The following PRKG1 variants were observed in gnomAD, a reference collection of about 807,000 sequenced individuals.
PRKG1 encodes the protein protein kinase cGMP-dependent 1.
Under a neutral mutation model 88.1 loss-of-function variants are expected in PRKG1, and 35 were observed. The observed-to-expected ratio is 0.40, with a 90% confidence interval of 0.30 to 0.53. The LOEUF (loss-of-function observed/expected upper bound fraction) is 0.53. PRKG1 is among the 20% of genes least tolerant of loss of function. The pLI is 0.59. For synonymous variants in PRKG1, 303 were observed against 292.5 expected (o/e 1.04, Z -0.37); for missense variants, 540 against 839.8 (o/e 0.64, Z 4.41).
At chr10:52,236,027 C>T (rs1339043300) in intron 9 of PRKG1, among the ~76,000 whole-genome samples, 1 of 124,914 alleles carries the variant, frequency 8.0e-6, no homozygotes, top group Non-Finnish European at 1.6e-5. Context: ...CAAAGCCGCT[C>T]AACTATATGG....
chr10:51,105,537 A>T (rs887664511), intron 1 of PRKG1, among the ~76,000 whole-genome samples: 1 of 152,184 alleles, frequency 6.6e-6, no homozygotes, highest in Non-Finnish European at 1.5e-5. Context: ...AAAATCTACA[A>T]TATTGAGTAG....
chr10:51,046,679 G>A (rs532361121), intron 1 of PRKG1, among the ~76,000 whole-genome samples: 1 of 152,306 alleles, frequency 6.6e-6, no homozygotes, highest in African/African-American at 2.4e-5. Flanking sequence ...AAATGAAAAA[G>A]TTTTCTGTAT....
intron 2 of PRKG1, among the ~76,000 whole-genome samples, chr10:51,330,633 A>G (rs1841715859): frequency 6.6e-6 from 1 of 151,588 alleles, no homozygotes; most frequent in Admixed American, 6.6e-5. Context: ...CCTCTATTGC[A>G]TTTTTTCATT....
chr10:52,063,518 A>G (rs984530553), intron 7 of PRKG1, among the ~76,000 whole-genome samples: 3 of 152,218 alleles, frequency 2.0e-5, no homozygotes, highest in African/African-American at 7.2e-5. Flanking sequence ...AGCAAGGGGC[A>G]TGTTTCAGCC....
At chr10:52,264,220 A>G (rs947664094) in intron 10 of PRKG1, among the ~76,000 whole-genome samples, 1 of 152,080 alleles carries the variant, frequency 6.6e-6, no homozygotes, top group Non-Finnish European at 1.5e-5. Context: ...GGTGGAACAT[A>G]GTGCTTATGC....
intron 9 of PRKG1, among the ~76,000 whole-genome samples, chr10:52,246,567 T>C (rs920586033): frequency 5.9e-5 from 9 of 152,064 alleles, no homozygotes; most frequent in Non-Finnish European, 8.8e-5. Flanking sequence ...AAAAGTTCAA[T>C]ATTTCATTAT....
intron 5 of PRKG1, among the ~76,000 whole-genome samples, chr10:51,979,382 CT>C (rs1843934441): frequency 1.0e-5 from 1 of 100,306 alleles, no homozygotes; most frequent in African/African-American, 3.7e-5. Flanking sequence ...AGGATTTTTG[CT>C]TCAATATTCA....
In PRKG1 at chr10:50,991,321, C is replaced by T. The variant is rs975871009; in HGVS notation, c.-58C>T. The T allele has an allele frequency of 7.2e-7, 1 of 1,395,554 alleles. No individual in the cohort carries two copies. Among genetic ancestry groups the T allele is most frequent in the South Asian group, 1.4e-5 (1 of 69,988 alleles). 86.4% of individuals were successfully genotyped at this position (1,395,554 alleles called of 1,614,324 possible). ...CCGGCTGCCGTCCCAGCCGCCGCCG[C>T]CGCCGCCGCCGCCGCCGCCGCCCGA... On this transcript the variant is annotated 5_prime_UTR_variant, in exon 1 of 18. Coordinates refer to the PRKG1 transcript ENST00000401604. This position sits in a 1 kb window ranked among gnomAD's most constrained non-coding sequence, Gnocchi z 4.5.
chr10:51,695,914 G>A (rs1232371041), intron 3 of PRKG1: 1 of 152,056 alleles, frequency 6.6e-6, no homozygotes, highest in Non-Finnish European at 1.5e-5. Flanking sequence ...TCCATAGTAA[G>A]ATCACCTGAT....
chr10:51,114,068 C>T (rs544291035), intron 1 of PRKG1, among the ~76,000 whole-genome samples: 2 of 151,906 alleles, frequency 1.3e-5, no homozygotes, highest in Admixed American at 1.3e-4. Flanking sequence ...CAGAAACAAA[C>T]TAGCATTTAA....
At chr10:51,479,649 A>G (rs936176930) in intron 3 of PRKG1, among the ~76,000 whole-genome samples, 3 of 151,996 alleles carry the variant, frequency 2.0e-5, no homozygotes, top group Non-Finnish European at 2.9e-5. Context: ...TCATTGGTCC[A>G]TGCAACTTAA....
chr10:52,139,046 C>T lies in PRKG1; in HGVS notation c.1001+5141C>T, dbSNP rs115620957. Among the ~76,000 whole-genome samples, 399 of 152,074 alleles carry T rather than the reference C, an allele frequency of 2.6e-3. 4 individuals carry two copies. Among genetic ancestry groups the T allele is most frequent in the African/African-American group, 9.0e-3 (375 of 41,508 alleles). On this transcript the variant is annotated intron_variant, in intron 8 of 17. Coordinates refer to ENST00000373980, the MANE Select transcript of PRKG1 (RefSeq NM_006258.4). ...GCAAACTAAAGACTATTCCTTGACA[C>T]CCAGACTGGAGCCTAAGTATTAAAA... is the stretch of plus-strand genomic sequence containing the variant.
At chr10:52,166,798 CAT>C (rs1411580550) in intron 9 of PRKG1, among the ~76,000 whole-genome samples, 2 of 96,772 alleles carry the variant, frequency 2.1e-5, no homozygotes, top group African/African-American at 1.1e-4. Flanking sequence ...TATATATATA[CAT>C]ATATATATGT....
chr10:51,058,227 G>T (rs1357398108), intron 1 of PRKG1, among the ~76,000 whole-genome samples: 3 of 152,046 alleles, frequency 2.0e-5, no homozygotes, highest in Non-Finnish European at 4.4e-5. Context: ...AGGAATTCAA[G>T]ATAGCATCCG....
chr10:51,860,272 G>A lies in PRKG1; in HGVS notation c.699-47235G>A, dbSNP rs199638413. ...CTTAAAGTAAAAACACCTATTTGTC[G>A]CTCATACCTATGTGTCAATTGTGTT... On this transcript the variant is annotated intron_variant, in intron 4 of 17. Coordinates refer to ENST00000373980, the MANE Select transcript of PRKG1 (RefSeq NM_006258.4). Among the ~76,000 whole-genome samples, 26 of 152,246 alleles carry A rather than the reference G, an allele frequency of 1.7e-4. 1 individual carries two copies. In the East Asian group the frequency reaches 3.5e-3, roughly 20 times the overall value.
At chr10:52,033,138 C>T (rs927176554) in intron 5 of PRKG1, among the ~76,000 whole-genome samples, 4 of 152,142 alleles carry the variant, frequency 2.6e-5, no homozygotes, top group Non-Finnish European at 5.9e-5. Context: ...AGCCCAAATG[C>T]CACCTTAGTA....
At chr10:51,405,130 A>G (rs1837873040) in intron 2 of PRKG1, among the ~76,000 whole-genome samples, 1 of 152,162 alleles carries the variant, frequency 6.6e-6, no homozygotes. Context: ...CAGTTGGATA[A>G]TGTTTATTTT....
chr10:51,821,876 T>C (rs1937689), intron 4 of PRKG1, among the ~76,000 whole-genome samples: 67,573 of 151,834 alleles, frequency 0.45, 17,401 homozygotes, highest in Non-Finnish European at 0.58. Context: ...GTTACAGTCA[T>C]TATGGAAAAC....
At chr10:51,552,976 T>C (rs559510802) in intron 3 of PRKG1, among the ~76,000 whole-genome samples, 1 of 151,712 alleles carries the variant, frequency 6.6e-6, no homozygotes, top group African/African-American at 2.4e-5. Context: ...AACAAAAAAA[T>C]TATGGATCCA....
Sources: gnomAD v4.1 joint callset for allele counts (sites outside exome capture counted in the v4.1 genomes callset) on GRCh38, gnomAD v4.1.1 for gene constraint, Gnocchi (gnomAD v3.1) non-coding constraint, MANE v1.5 for transcripts, NCBI Gene and HGNC (gene_info 2026-07-23, HGNC 2026-07-21) for gene names.